CTTN: variants seen among roughly 807,000 people sequenced by gnomAD.
CTTN encodes the protein src substrate cortactin.
CTTN carries 28 observed loss-of-function variants against 84.0 expected under a neutral mutation model. That is an observed-to-expected ratio of 0.33 (90% CI 0.25 to 0.46). The LOEUF is 0.46. Ranked by LOEUF, CTTN falls within the 20% of genes least tolerant of loss-of-function variation. CTTN has a pLI of 1.00. For synonymous variants in CTTN, 301 were observed against 288.8 expected, an observed-to-expected ratio of 1.04 and a Z score of -0.43; for missense variants, 641 against 723.8, an observed-to-expected ratio of 0.89 and a Z score of 1.31.
In CTTN at chr11:70,419,751, T is replaced by C. The variant is rs2058206809; in HGVS notation, c.574T>C (p.Ser192Pro). Residue 192 changes from serine (S) to proline (P), a missense_variant, in exon 9 of 18, where the codon TCC (serine) becomes CCC (proline). Transcript: ENST00000301843. ...CCTTTTTTGTTTGTTTTTAGATTAC[T>C]CCAAAGGTTTCGGCGGCAAATACGG... The part of the protein sequence containing the change: ...TEKHESQRDY[S>P]KGFGGKYGID... 1 of 1,609,860 alleles carries C rather than the reference T, an allele frequency of 6.2e-7. No homozygotes were observed. The highest frequency in any genetic ancestry group is 8.5e-7 in the Non-Finnish European group (1 of 1,179,098).
rs1347074319 is a variant in CTTN, at chr11:70,419,738, GT to G, written c.569-3del. ...CTTTTAAAGTAGTCCTTTTTTGTTT[GT>G]TTTTAGATTACTCCAAAGGTTTCGG... is the stretch of plus-strand genomic sequence containing the variant. On this transcript the variant is annotated splice_polypyrimidine_tract_variant and splice_region_variant and intron_variant, in intron 8 of 17. Transcript: ENST00000301843. 6.3e-7 allele frequency: 1 copy of G among 1,597,786 alleles called. No homozygotes were observed. Among genetic ancestry groups the G allele is most frequent in the Non-Finnish European group, 8.5e-7 (1 of 1,174,944 alleles).
At chr11:70,413,377 GCCTCAGAAC>G (rs2058117498) in intron 5 of CTTN, among the ~76,000 whole-genome samples, 1 of 152,226 alleles carries the variant, frequency 6.6e-6, no homozygotes, top group Admixed American at 6.5e-5. Context: ...TGAGGAGGGA[GCCTCAGAAC>G]CCTGGGGCCT....
At chr11:70,431,864 A>T (rs1014913152) in intron 15 of CTTN, among the ~76,000 whole-genome samples, 1 of 151,860 alleles carries the variant, frequency 6.6e-6, no homozygotes, top group African/African-American at 2.4e-5. Context: ...CCCATCCCTG[A>T]CTTTGGGTCT....
intron 15 of CTTN, among the ~76,000 whole-genome samples, chr11:70,432,559 T>C (rs2058365075): frequency 6.6e-6 from 1 of 152,190 alleles, no homozygotes; most frequent in Non-Finnish European, 1.5e-5. Context: ...CGGCAGTGGT[T>C]ATAGATAGAG....
At position 70,435,164 on chromosome 11, in the gene CTTN, GC is replaced by G. The variant is rs1436356629; in HGVS notation, c.*7del. 6.2e-7 allele frequency: 1 copy of G among 1,604,166 alleles called. No individual in the cohort carries two copies. On this transcript the variant is annotated 3_prime_UTR_variant, in exon 18 of 18. Coordinates refer to ENST00000301843, the MANE Select transcript of CTTN (RefSeq NM_005231.4). Reference sequence around the variant, plus strand: ...AACTATGTGGAGCTGCGGCAGTAGGGCCCCCAGCCCCCCCCCGGAGCTGCGC... The same window carrying G: ...AACTATGTGGAGCTGCGGCAGTAGGGCCCCAGCCCCCCCCCGGAGCTGCGC...
intron 12 of CTTN, among the ~76,000 whole-genome samples, chr11:70,424,114 G>A (rs74590684): frequency 0.039 from 5,862 of 152,244 alleles, 152 homozygotes; most frequent in Non-Finnish European, 0.059. Context: ...GTAGGGCCGG[G>A]GCCGGGTCCG....
At chr11:70,427,652 G>A (rs1416962288) in intron 13 of CTTN, among the ~76,000 whole-genome samples, 14 of 152,258 alleles carry the variant, frequency 9.2e-5, no homozygotes, top group Non-Finnish European at 1.9e-4. Context: ...GGCTCCTCTG[G>A]CCCTGTGAGG....
At chr11:70,433,537 C>G in intron 16 of CTTN, 110 bp from the exon 17 acceptor site, 2 of 932,008 alleles carry the variant, frequency 2.1e-6, no homozygotes, top group South Asian at 2.6e-5. Flanking sequence ...TTTCAGCTGC[C>G]GCCCTGTGTC....
intron 12 of CTTN, among the ~76,000 whole-genome samples, chr11:70,424,121 T>G (rs60294173): frequency 0.011 from 1,597 of 151,854 alleles, 30 homozygotes; most frequent in African/African-American, 0.036. Flanking sequence ...CGGGGCCGGG[T>G]CCGGGTGGCG....
At chr11:70,403,044 T>G (rs1189490202) in intron 1 of CTTN, among the ~76,000 whole-genome samples, 2 of 152,214 alleles carry the variant, frequency 1.3e-5, no homozygotes, top group African/African-American at 4.8e-5. Flanking sequence ...GATTTGCATT[T>G]CCTTGGTGGT....
At position 70,435,253 on chromosome 11, in the gene CTTN, G is replaced by GTTTTTTTTTT. The variant is rs370623790; in HGVS notation, c.*107_*116dup. ...TCTTGGGTGGTTTTGGGTTTTTTCT[G>GTTTTTTTTTT]TTTTTTTTTTTTTTTTTTTTTTTTT... On this transcript the variant is annotated 3_prime_UTR_variant, in exon 18 of 18. Transcript: ENST00000301843. The GTTTTTTTTTT allele has an allele frequency of 1.4e-3, 1,291 of 936,920 alleles. 2 individuals carry two copies. Among genetic ancestry groups the GTTTTTTTTTT allele is most frequent in the South Asian group, 3.7e-3 (138 of 37,210 alleles). 58.0% of individuals were successfully genotyped at this position (936,920 alleles called of 1,614,324 possible).
At chr11:70,422,854 GTTT>G in intron 11 of CTTN, 83 bp from the exon 12 acceptor site, 1 of 1,601,238 alleles carries the variant, frequency 6.2e-7, no homozygotes, top group Admixed American at 1.7e-5. Context: ...TTCTTGGGCT[GTTT>G]CTGGATCTGT....
chr11:70,425,228 C>T, intron 12 of CTTN, 104 bp from the exon 13 acceptor site: 1 of 882,622 alleles, frequency 1.1e-6, no homozygotes, highest in East Asian at 2.7e-5. Context: ...GTGGCTGGGC[C>T]TTTGGGAAGA....
intron 5 of CTTN, among the ~76,000 whole-genome samples, chr11:70,414,213 C>T (rs1386865216): frequency 6.6e-6 from 1 of 152,100 alleles, no homozygotes. Context: ...GGCATGGTGG[C>T]GGGTGCCTAT....
intron 4 of CTTN, 47 bp from the exon 5 acceptor site, chr11:70,409,784 C>A: frequency 6.3e-7 from 1 of 1,597,140 alleles, no homozygotes. Context: ...GGCAAAGCTG[C>A]ACGTCTGTTT....
chr11:70,415,546 C>A, intron 6 of CTTN, 117 bp from the exon 7 acceptor site: 1 of 967,510 alleles, frequency 1.0e-6, no homozygotes, highest in Non-Finnish European at 1.7e-6. Flanking sequence ...ACCCAGAGGT[C>A]ACAGCATCAT....
chr11:70,428,031 A>C (rs1370258583), intron 13 of CTTN, among the ~76,000 whole-genome samples: 1 of 152,126 alleles, frequency 6.6e-6, no homozygotes. Context: ...TTCAGGGAAA[A>C]ACGCTATTCC....
At chr11:70,415,889 C>G (rs932487497) in intron 7 of CTTN, 172 bp downstream of exon 7, 2 of 646,298 alleles carry the variant, frequency 3.1e-6, no homozygotes, top group African/African-American at 1.8e-5. Context: ...CTGCCCTCCT[C>G]TTCATGTTTC....
At chr11:70,423,082 C>T (rs919669209) in intron 12 of CTTN, 87 bp downstream of exon 12, 32 of 1,491,470 alleles carry the variant, frequency 2.1e-5, no homozygotes, top group Admixed American at 2.1e-4. Flanking sequence ...AACATCCACG[C>T]GCTGGGGTGG....
Sources: allele counts gnomAD v4.1 joint callset (sites outside exome capture counted in the v4.1 genomes callset), GRCh38; gene constraint gnomAD v4.1.1; transcripts MANE v1.5; gene names NCBI Gene and HGNC (gene_info 2026-07-23, HGNC 2026-07-21).